Variants in KIAA1328 observed in about 807,000 individuals in gnomAD.
The protein encoded by KIAA1328 is protein hinderin.
Under a neutral mutation model 68.1 loss-of-function variants are expected in KIAA1328, and 52 were observed. That is an observed-to-expected ratio of 0.76 (90% CI 0.61 to 0.96). The LOEUF is 0.96. Among genes scored for constraint, KIAA1328 ranks in the 40% least tolerant of loss-of-function variants. The probability of loss-of-function intolerance (pLI) is 0.00; values close to 1 mark genes in which losing one functional copy is unlikely to be tolerated. For synonymous variants in KIAA1328, 232 were observed against 239.4 expected, an observed-to-expected ratio of 0.97 and a Z score of 0.28; for missense variants, 641 against 677.6, an observed-to-expected ratio of 0.95 and a Z score of 0.60.
chr18:37,218,111 A>G (rs2060483305), intron 9 of KIAA1328, among the ~76,000 whole-genome samples: 1 of 152,264 alleles, frequency 6.6e-6, no homozygotes, highest in Admixed American at 6.5e-5. Context: ...TGCAAGAATC[A>G]AAAGAAGCAA....
intron 4 of KIAA1328, among the ~76,000 whole-genome samples, chr18:36,854,688 TCATC>T (rs1462005240): frequency 1.3e-5 from 2 of 152,172 alleles, no homozygotes; most frequent in Admixed American, 1.3e-4. Context: ...TAATGTTAAA[TCATC>T]CATTTTAAGT....
chr18:36,956,194 T>G (rs546363797), intron 5 of KIAA1328, among the ~76,000 whole-genome samples: 6 of 152,364 alleles, frequency 3.9e-5, no homozygotes, highest in Non-Finnish European at 8.8e-5. Flanking sequence ...GGTTTTGATG[T>G]AATCTTGCTT....
downstream of KIAA1328, chr18:37,225,393 C>T (rs982351918): frequency 4.8e-6 from 4 of 826,146 alleles, no homozygotes; most frequent in Admixed American, 6.2e-5. Flanking sequence ...TGAGGCATAG[C>T]TTGAAAGCAA....
chr18:37,191,968 T>C (rs2059912814), intron 9 of KIAA1328, among the ~76,000 whole-genome samples: 1 of 152,204 alleles, frequency 6.6e-6, no homozygotes, highest in Non-Finnish European at 1.5e-5. Context: ...ACTGGACGAA[T>C]CTCAGGTCTC....
intron 7 of KIAA1328, chr18:37,084,123 A>G (rs1358699078): frequency 7.0e-7 from 1 of 1,436,942 alleles, no homozygotes; most frequent in Non-Finnish European, 9.1e-7. Context: ...TAATTTTTAC[A>G]GGTTAAAAGC....
At chr18:37,081,015 C>T (rs1010693443) in intron 7 of KIAA1328, among the ~76,000 whole-genome samples, 7 of 151,926 alleles carry the variant, frequency 4.6e-5, no homozygotes, top group Non-Finnish European at 7.4e-5. Context: ...GAGTTTGGCT[C>T]TGTCACCCAA....
intron 9 of KIAA1328, among the ~76,000 whole-genome samples, chr18:37,219,743 C>G (rs2060520609): frequency 6.6e-6 from 1 of 152,186 alleles, no homozygotes; most frequent in Non-Finnish European, 1.5e-5. Flanking sequence ...CATGGCTTCC[C>G]TTGGCTAGGA....
At chr18:36,930,143 C>G (rs2050260000) in intron 5 of KIAA1328, among the ~76,000 whole-genome samples, 1 of 152,116 alleles carries the variant, frequency 6.6e-6, no homozygotes, top group African/African-American at 2.4e-5. Flanking sequence ...CCAGAAATGT[C>G]TAAACTGTCA....
chr18:36,930,148 C>T (rs2151143856), intron 5 of KIAA1328, among the ~76,000 whole-genome samples: 1 of 152,252 alleles, frequency 6.6e-6, no homozygotes, highest in African/African-American at 2.4e-5. Context: ...AATGTCTAAA[C>T]TGTCACAGTA....
intron 8 of KIAA1328, 123 bp downstream of exon 8, chr18:37,160,504 T>C (rs893735846): frequency 1.3e-6 from 1 of 790,812 alleles, no homozygotes; most frequent in Admixed American, 3.1e-5. Context: ...CACTGAAGTG[T>C]GCCTGCAAGG....
chr18:36,951,891 CT>C (rs1435656229), intron 5 of KIAA1328, among the ~76,000 whole-genome samples: 2 of 152,154 alleles, frequency 1.3e-5, no homozygotes, highest in African/African-American at 4.8e-5. Context: ...TAATTGGTTG[CT>C]TTTATTCTAG....
At chr18:37,132,676 T>G (rs748510174) in intron 7 of KIAA1328, among the ~76,000 whole-genome samples, 6 of 152,228 alleles carry the variant, frequency 3.9e-5, no homozygotes, top group Non-Finnish European at 5.9e-5. Context: ...CACAAGACTT[T>G]TATTGATAAT....
At chr18:36,830,584 G>T (rs182959790) in intron 1 of KIAA1328, among the ~76,000 whole-genome samples, 218 of 152,222 alleles carry the variant, frequency 1.4e-3, no homozygotes, top group Non-Finnish European at 2.6e-3. Flanking sequence ...ATGGTTTGGG[G>T]GGGGGACAAG....
chr18:37,213,617 A>T (rs2060362851), intron 9 of KIAA1328, among the ~76,000 whole-genome samples: 1 of 152,218 alleles, frequency 6.6e-6, no homozygotes, highest in African/African-American at 2.4e-5. Context: ...ATGCATGTGC[A>T]TGTGTCTTTA....
intron 6 of KIAA1328, 92 bp downstream of exon 6, chr18:36,959,527 A>T (rs2051568910): frequency 1.5e-6 from 2 of 1,349,954 alleles, no homozygotes; most frequent in South Asian, 2.7e-5. Context: ...TCCTCCCAGT[A>T]TATAATATTG....
At chr18:36,895,730 A>AC (rs1441713079) in intron 5 of KIAA1328, 1 of 455,816 alleles carries the variant, frequency 2.2e-6, no homozygotes, top group East Asian at 7.0e-5. Flanking sequence ...TGAAGCTCTA[A>AC]CCCCCAGTGA....
At chr18:37,009,241 A>G (rs981545491) in intron 6 of KIAA1328, among the ~76,000 whole-genome samples, 1 of 152,098 alleles carries the variant, frequency 6.6e-6, no homozygotes, top group Admixed American at 6.6e-5. Context: ...TTTCTTTCTT[A>G]ATGCCACTGT....
chr18:37,050,209 C>G (rs1465897937), intron 6 of KIAA1328, among the ~76,000 whole-genome samples: 1 of 150,846 alleles, frequency 6.6e-6, no homozygotes, highest in Admixed American at 6.6e-5. Context: ...CAAACCAAAC[C>G]AAGAGGGTGG....
At chr18:37,192,145 T>TTGTGTGTGTG (rs10667132) in intron 9 of KIAA1328, among the ~76,000 whole-genome samples, 401 of 144,728 alleles carry the variant, frequency 2.8e-3, no homozygotes, top group African/African-American at 7.6e-3. Flanking sequence ...AGTCAAGAAA[T>TTGTGTGTGTG]TGTGTGTGTG....
Sources: gnomAD v4.1 joint callset for allele counts (sites outside exome capture counted in the v4.1 genomes callset) on GRCh38, gnomAD v4.1.1 for gene constraint, MANE v1.5 for transcripts, NCBI Gene and HGNC (gene_info 2026-07-23, HGNC 2026-07-21) for gene names.